PHF24: variants seen among roughly 807,000 people sequenced by gnomAD.
PHF24 encodes Galpha inhibitory interacting protein.
In PHF24, 25 loss-of-function variants were observed where a neutral mutation model predicts 42.6. That is an observed-to-expected ratio of 0.59 (90% confidence interval 0.43 to 0.82). The LOEUF (loss-of-function observed/expected upper bound fraction) is 0.82, where lower values mean the gene tolerates loss of function less well. PHF24 is among the 40% of genes least tolerant of loss of function. PHF24 has a pLI of 0.00. For missense variants in PHF24, 470 were observed against 538.1 expected, an observed-to-expected ratio of 0.87 and a Z score of 1.25; for synonymous variants, 185 against 204.8, an observed-to-expected ratio of 0.90 and a Z score of 0.83.
chr9:34,834,683 G>A, the PHF24 span: 1 of 1,546,362 alleles, frequency 6.5e-7, no homozygotes, highest in Non-Finnish European at 8.7e-7. Flanking sequence ...CCTCTGGAGG[G>A]CAGCTGGCCA....
chr9:34,793,062 A>G, the PHF24 span, among the ~76,000 whole-genome samples: 1 of 152,282 alleles, frequency 6.6e-6, no homozygotes, highest in South Asian at 2.1e-4. Context: ...TCATAATTCT[A>G]AAAATCATAA....
the PHF24 span, among the ~76,000 whole-genome samples, chr9:34,755,744 C>T: frequency 6.6e-6 from 1 of 152,094 alleles, no homozygotes; most frequent in African/African-American, 2.4e-5. Flanking sequence ...CTCCTGGACT[C>T]AAGCAATCTT....
the PHF24 span, among the ~76,000 whole-genome samples, chr9:34,679,107 A>C: frequency 6.6e-6 from 1 of 152,238 alleles, no homozygotes. Flanking sequence ...CTGTGAATCA[A>C]GTATTAGTGA....
the PHF24 span, among the ~76,000 whole-genome samples, chr9:34,911,635 G>C: frequency 2.0e-5 from 3 of 152,040 alleles, no homozygotes; most frequent in Admixed American, 2.0e-4. Flanking sequence ...GGAATAGTTA[G>C]TTTTGTCTAG....
the PHF24 span, among the ~76,000 whole-genome samples, chr9:34,910,259 G>A: frequency 5.9e-5 from 9 of 151,900 alleles, no homozygotes; most frequent in African/African-American, 2.2e-4. Context: ...TCACCACTAT[G>A]CTAATGAGGA....
the PHF24 span, among the ~76,000 whole-genome samples, chr9:34,675,085 C>A: frequency 6.6e-6 from 1 of 152,106 alleles, no homozygotes; most frequent in Non-Finnish European, 1.5e-5. Flanking sequence ...GTCAAACTCC[C>A]GGGCTCAAGT....
At chr9:34,890,693 T>C in the PHF24 span, among the ~76,000 whole-genome samples, 1 of 152,220 alleles carries the variant, frequency 6.6e-6, no homozygotes, top group African/African-American at 2.4e-5. Flanking sequence ...TGTGGAGATA[T>C]TCTTTGGGAT....
the PHF24 span, among the ~76,000 whole-genome samples, chr9:34,842,016 C>T: frequency 6.6e-6 from 1 of 152,160 alleles, no homozygotes; most frequent in African/African-American, 2.4e-5. Context: ...TCTTCCAAAC[C>T]ATTGATCTAT....
chr9:34,726,754 C>T, the PHF24 span: 134 of 1,551,698 alleles, frequency 8.6e-5, 2 homozygotes, highest in South Asian at 1.4e-3. Context: ...ACAGTGAAAG[C>T]TCTCTGGTGT....
the PHF24 span, chr9:34,895,429 A>C: frequency 1.3e-5 from 5 of 397,048 alleles, no homozygotes; most frequent in African/African-American, 1.0e-4. Context: ...ATAGCTGCCA[A>C]CCAGAATAAT....
chr9:34,829,742 A>T, the PHF24 span, among the ~76,000 whole-genome samples: 469 of 152,284 alleles, frequency 3.1e-3, 2 homozygotes, highest in African/African-American at 0.01. Context: ...CAGGCAAGTT[A>T]AGGATGAGAA....
chr9:34,884,268 AATGTAAATGACGAGT>A, the PHF24 span, among the ~76,000 whole-genome samples: 1 of 152,132 alleles, frequency 6.6e-6, no homozygotes, highest in African/African-American at 2.4e-5. Flanking sequence ...TAATATACCT[AATGTAAATGACGAGT>A]TAATGGGTGC....
the PHF24 span, chr9:34,838,369 A>G: frequency 2.1e-6 from 2 of 939,494 alleles, no homozygotes; most frequent in African/African-American, 1.6e-5. Context: ...GCTCCTTTCA[A>G]CTTCCAAGTT....
At chr9:34,728,190 C>T in the PHF24 span, 1 of 970,598 alleles carries the variant, frequency 1.0e-6, no homozygotes, top group South Asian at 1.7e-5. Context: ...GACTACAATC[C>T]TGAAAAGTCC....
the PHF24 span, among the ~76,000 whole-genome samples, chr9:34,780,948 A>G: frequency 6.6e-6 from 1 of 152,242 alleles, no homozygotes. Context: ...CACATATACT[A>G]GAATGTCTAT....
At chr9:34,847,715 C>T in the PHF24 span, among the ~76,000 whole-genome samples, 1 of 152,002 alleles carries the variant, frequency 6.6e-6, no homozygotes, top group Admixed American at 6.6e-5. Flanking sequence ...TTTGCCCATT[C>T]AGTGTGATAT....
intron 3 of PHF24, among the ~76,000 whole-genome samples, chr9:34,973,505 C>T (rs533668275): frequency 6.6e-6 from 1 of 152,210 alleles, no homozygotes; most frequent in Non-Finnish European, 1.5e-5. Context: ...TTTCTCACTA[C>T]ACCTGAATAG....
At chr9:34,929,695 A>C in the PHF24 span, among the ~76,000 whole-genome samples, 1 of 152,192 alleles carries the variant, frequency 6.6e-6, no homozygotes, top group Non-Finnish European at 1.5e-5. Flanking sequence ...CGCCCCCTAC[A>C]GCCCCGCCAT....
chr9:34,750,536 A>AAAT, the PHF24 span, among the ~76,000 whole-genome samples: 1 of 137,648 alleles, frequency 7.3e-6, no homozygotes. Flanking sequence ...ATAAATAAAT[A>AAAT]AATAAAGTGG....
Sources: gnomAD v4.1 joint callset for allele counts (sites outside exome capture counted in the v4.1 genomes callset) on GRCh38, gnomAD v4.1.1 for gene constraint, MANE v1.5 for transcripts, NCBI Gene and HGNC (gene_info 2026-07-23, HGNC 2026-07-21) for gene names.